The following RBFOX1 variants were observed in gnomAD, a reference collection of about 807,000 sequenced individuals.
The protein encoded by RBFOX1 is RNA binding protein fox-1 homolog 1.
In RBFOX1, 8 loss-of-function variants were observed where a neutral mutation model predicts 57.7. That is an observed-to-expected ratio of 0.14 (90% CI 0.08 to 0.25). RBFOX1 has a LOEUF of 0.25. Among genes scored for constraint, RBFOX1 ranks in the 10% least tolerant of loss-of-function variants. The pLI is 1.00. For synonymous variants in RBFOX1, 326 were observed against 222.4 expected, an observed-to-expected ratio of 1.47 and a Z score of -4.15; for missense variants, 611 against 548.5, an observed-to-expected ratio of 1.11 and a Z score of -1.14.
At chr16:7,645,336 A>C (rs186079249) in intron 11 of RBFOX1, among the ~76,000 whole-genome samples, 1 of 152,294 alleles carries the variant, frequency 6.6e-6, no homozygotes, top group Non-Finnish European at 1.5e-5. Context: ...GTGCCATGTC[A>C]ATTTGCTGCA....
chr16:7,595,511 A>G, intron 7 of RBFOX1, 38 bp from the exon 8 acceptor site: 2 of 1,458,710 alleles, frequency 1.4e-6, no homozygotes, highest in Non-Finnish European at 1.9e-6. Context: ...TGAAATAATA[A>G]TCTGCATGTT....
intron 2 of RBFOX1, among the ~76,000 whole-genome samples, chr16:6,489,534 A>G (rs1446371426): frequency 6.6e-6 from 1 of 152,134 alleles, no homozygotes; most frequent in Non-Finnish European, 1.5e-5. Flanking sequence ...TTAAACTCCA[A>G]AGTCTGTGTT....
intron 3 of RBFOX1, among the ~76,000 whole-genome samples, chr16:6,713,698 C>T (rs150726692): frequency 9.0e-4 from 137 of 152,286 alleles, no homozygotes; most frequent in Middle Eastern, 3.4e-3. Context: ...TGTTTTTAGA[C>T]ATTTGCAGAA....
At chr16:6,348,780 C>T (rs967700279) in intron 2 of RBFOX1, among the ~76,000 whole-genome samples, 1 of 152,178 alleles carries the variant, frequency 6.6e-6, no homozygotes, top group African/African-American at 2.4e-5. Flanking sequence ...GAAGGATCCA[C>T]ACCCTTGATC....
intron 3 of RBFOX1, among the ~76,000 whole-genome samples, chr16:5,822,707 C>A (rs558558685): frequency 6.6e-6 from 1 of 152,178 alleles, no homozygotes. Flanking sequence ...GTTTCCAACC[C>A]ATGGCCTGGA....
chr16:6,871,572 T>G (rs2060889565), intron 3 of RBFOX1, among the ~76,000 whole-genome samples: 2 of 152,098 alleles, frequency 1.3e-5, no homozygotes, highest in South Asian at 4.1e-4. Context: ...AATTACTGAC[T>G]GAAACTTTTT....
chr16:6,403,328 G>T (rs2093151506), intron 2 of RBFOX1, among the ~76,000 whole-genome samples: 1 of 152,068 alleles, frequency 6.6e-6, no homozygotes. Flanking sequence ...AGCAATAAGG[G>T]GTGGCTTGCT....
intron 2 of RBFOX1, among the ~76,000 whole-genome samples, chr16:5,543,349 A>G (rs2045046590): frequency 6.6e-6 from 1 of 152,254 alleles, no homozygotes; most frequent in Admixed American, 6.5e-5. Flanking sequence ...AAAGACCCAA[A>G]TCAAAACTCT....
chr16:5,874,770 C>G (rs1320218170), intron 4 of RBFOX1, among the ~76,000 whole-genome samples: 1 of 151,946 alleles, frequency 6.6e-6, no homozygotes, highest in Non-Finnish European at 1.5e-5. Context: ...GTAGCAAGAC[C>G]CTCTCTCTCC....
At chr16:7,242,060 C>G (rs897413412) in intron 4 of RBFOX1, among the ~76,000 whole-genome samples, 1 of 152,024 alleles carries the variant, frequency 6.6e-6, no homozygotes, top group Non-Finnish European at 1.5e-5. Context: ...CCATAGGCAC[C>G]TCAGTGATAA....
intron 14 of RBFOX1, among the ~76,000 whole-genome samples, chr16:7,682,763 C>T (rs1233038233): frequency 6.6e-6 from 1 of 151,140 alleles, no homozygotes; most frequent in African/African-American, 2.4e-5. Flanking sequence ...TACATCTATA[C>T]ATATCTACAT....
At chr16:6,850,225 C>T (rs890001625) in intron 3 of RBFOX1, among the ~76,000 whole-genome samples, 1 of 152,130 alleles carries the variant, frequency 6.6e-6, no homozygotes, top group African/African-American at 2.4e-5. Context: ...AATGATTCCT[C>T]TTTTGGGGCG....
intron 4 of RBFOX1, among the ~76,000 whole-genome samples, chr16:7,209,192 G>T (rs1025104299): frequency 1.3e-5 from 2 of 150,448 alleles, no homozygotes; most frequent in South Asian, 2.1e-4. Context: ...AATAATTGCA[G>T]GGTGTGGCAG....
intron 3 of RBFOX1, among the ~76,000 whole-genome samples, chr16:6,969,068 C>A (rs1230624469): frequency 6.6e-6 from 1 of 152,232 alleles, no homozygotes; most frequent in East Asian, 1.9e-4. Context: ...CGAGAGGTGT[C>A]AAGAGCACTT....
At chr16:5,705,828 G>T (rs1053826411) in intron 3 of RBFOX1, among the ~76,000 whole-genome samples, 1 of 152,234 alleles carries the variant, frequency 6.6e-6, no homozygotes, top group East Asian at 1.9e-4. Context: ...TATCATATCC[G>T]TAGTGGCTAG....
chr16:5,829,402 G>A (rs769734762), intron 3 of RBFOX1, among the ~76,000 whole-genome samples: 4 of 152,208 alleles, frequency 2.6e-5, no homozygotes, highest in Non-Finnish European at 4.4e-5. Flanking sequence ...GGAGCAAGGG[G>A]AACAGAGGAG....
At chr16:5,481,518 AGAAAT>A (rs2069540936) in intron 2 of RBFOX1, among the ~76,000 whole-genome samples, 1 of 152,208 alleles carries the variant, frequency 6.6e-6, no homozygotes, top group South Asian at 2.1e-4. Flanking sequence ...TGTATTTTTG[AGAAAT>A]GAAATGATAA....
chr16:6,823,313 A>G (rs1319336530), intron 3 of RBFOX1, among the ~76,000 whole-genome samples: 4 of 151,296 alleles, frequency 2.6e-5, no homozygotes, highest in African/African-American at 4.9e-5. Context: ...CTGGAGTGCA[A>G]TGGCATGATC....
chr16:6,162,471 T>G (rs1185610319), intron 1 of RBFOX1, among the ~76,000 whole-genome samples: 1 of 152,236 alleles, frequency 6.6e-6, no homozygotes, highest in Admixed American at 6.6e-5. Flanking sequence ...GATTTTTAAG[T>G]GGGTGGTGCA....
Sources: allele counts gnomAD v4.1 joint callset (sites outside exome capture counted in the v4.1 genomes callset), GRCh38; gene constraint gnomAD v4.1.1; transcripts MANE v1.5; gene names NCBI Gene and HGNC (gene_info 2026-07-23, HGNC 2026-07-21).